KATNAL2: variants seen among roughly 807,000 people sequenced by gnomAD.
KATNAL2 encodes katanin p60 ATPase-containing subunit A-like 2.
In KATNAL2, 52 loss-of-function variants were observed where a neutral mutation model predicts 76.3. The ratio of observed to expected loss-of-function variants is 0.68; its 90% CI spans 0.55 to 0.86. The LOEUF (loss-of-function observed/expected upper bound fraction) is 0.86. Among genes scored for constraint, KATNAL2 ranks in the 40% least tolerant of loss-of-function variants. The pLI, the probability that KATNAL2 is intolerant of heterozygous loss-of-function variation, is 0.00. For synonymous variants in KATNAL2, 243 were observed against 244.2 expected, an observed-to-expected ratio of 1.00 and a Z score of 0.05; for missense variants, 660 against 668.9, an observed-to-expected ratio of 0.99 and a Z score of 0.15.
chr18:46,927,018 T>C (rs1173113222), intron 1 of KATNAL2, among the ~76,000 whole-genome samples: 1 of 152,224 alleles, frequency 6.6e-6, no homozygotes, highest in African/African-American at 2.4e-5. Context: ...AGCACGCTGA[T>C]GGGTCTTGAC....
intron 3 of KATNAL2, among the ~76,000 whole-genome samples, chr18:46,953,183 C>T (rs566900668): frequency 1.2e-4 from 18 of 152,246 alleles, no homozygotes; most frequent in African/African-American, 4.1e-4. Flanking sequence ...CGTGAGCCAC[C>T]GCTCCCGGCA....
At chr18:46,949,536 C>T (rs1018354764) in intron 3 of KATNAL2, among the ~76,000 whole-genome samples, 4 of 152,244 alleles carry the variant, frequency 2.6e-5, no homozygotes, top group East Asian at 3.8e-4. Flanking sequence ...CGTGAGCCTT[C>T]GTGTCTGGCT....
In KATNAL2 at chr18:47,099,319, G is replaced by T. The variant is rs140883201; in HGVS notation, c.1288G>T (p.Ala430Ser). The change falls in exon 16 of 18, where the codon GCC becomes TCC. Residue 430 changes from alanine (A) to serine (S), a missense_variant. Ala to Ser is a moderately conservative substitution (Grantham distance 99). Coordinates refer to ENST00000683218, the MANE Select transcript of KATNAL2 (RefSeq NM_001387690.1). ...VDLPSREARQAMIYHWLPPVS... is the reference protein window; with the variant it reads ...VDLPSREARQSMIYHWLPPVS... ...TCTCCCCAGCCGGGAGGCCAGGCAG[G>T]CCATGATCTACCACTGGCTGCCTCC... 66 of 1,614,038 alleles carry T rather than the reference G, an allele frequency of 4.1e-5. No homozygotes were observed. The Admixed American group carries it at 1.1e-3, about 27-fold the overall frequency.
At chr18:47,040,884 G>A (rs1367716507) in intron 3 of KATNAL2, among the ~76,000 whole-genome samples, 1 of 152,168 alleles carries the variant, frequency 6.6e-6, no homozygotes, top group African/African-American at 2.4e-5. Context: ...CAGCTTGGGG[G>A]AAGACTGTGG....
intron 15 of KATNAL2, among the ~76,000 whole-genome samples, chr18:47,097,117 T>TGAAAAAAAAAAAAAAAAAAAAAAA (rs1191497421): frequency 1.1e-5 from 1 of 88,462 alleles, no homozygotes; most frequent in African/African-American, 4.5e-5. Flanking sequence ...AGACCCTGGC[T>TGAAAAAAAAAAAAAAAAAAAAAAA]CAAAAAAAAA....
At chr18:47,046,327 T>C (rs1413945798) in intron 3 of KATNAL2, 130 bp from the exon 4 acceptor site, 1 of 652,894 alleles carries the variant, frequency 1.5e-6, no homozygotes, top group Admixed American at 2.6e-5. Flanking sequence ...CTTAGAGACT[T>C]CAAATTGCTT....
At chr18:47,098,985 A>C in intron 15 of KATNAL2, 2 of 336,296 alleles carry the variant, frequency 5.9e-6, no homozygotes, top group Non-Finnish European at 5.4e-6. Flanking sequence ...CTTTTCTTCC[A>C]TTCATCCTTC....
intron 1 of KATNAL2, among the ~76,000 whole-genome samples, chr18:46,944,016 T>C (rs1413346613): frequency 1.3e-5 from 2 of 152,230 alleles, no homozygotes; most frequent in Admixed American, 1.3e-4. Flanking sequence ...CGAAAACTAT[T>C]TCTCATTTAT....
chr18:47,075,739 T>TCAG (rs1322931881), intron 14 of KATNAL2, among the ~76,000 whole-genome samples: 1 of 152,204 alleles, frequency 6.6e-6, no homozygotes, highest in Non-Finnish European at 1.5e-5. Flanking sequence ...GGAATGAGTC[T>TCAG]TGCCCACTCA....
At chr18:47,078,758 T>C (rs761871158) in intron 15 of KATNAL2, among the ~76,000 whole-genome samples, 3 of 152,214 alleles carry the variant, frequency 2.0e-5, no homozygotes, top group South Asian at 2.1e-4. Flanking sequence ...GAGAAACTTA[T>C]TGTGCTGTTT....
At chr18:47,037,373 G>C (rs551232412) in intron 3 of KATNAL2, among the ~76,000 whole-genome samples, 1 of 152,312 alleles carries the variant, frequency 6.6e-6, no homozygotes, top group East Asian at 1.9e-4. Flanking sequence ...AAAACAGCCA[G>C]ATTATTGAAA....
intron 3 of KATNAL2, among the ~76,000 whole-genome samples, chr18:47,041,051 T>C (rs2060945287): frequency 6.6e-6 from 1 of 152,186 alleles, no homozygotes; most frequent in Non-Finnish European, 1.5e-5. Context: ...TTTTAAAAAA[T>C]AGAATTTATT....
chr18:47,092,673 T>A (rs927685356), intron 15 of KATNAL2, among the ~76,000 whole-genome samples: 4 of 152,182 alleles, frequency 2.6e-5, no homozygotes, highest in African/African-American at 9.6e-5. Flanking sequence ...GTAAGAGCCT[T>A]CTTACCAGCT....
intron 1 of KATNAL2, among the ~76,000 whole-genome samples, chr18:46,926,801 A>G (rs954049502): frequency 6.6e-6 from 1 of 152,146 alleles, no homozygotes; most frequent in African/African-American, 2.4e-5. Context: ...TAGGATAGTT[A>G]GCTCTTCTTG....
At chr18:47,079,107 C>G (rs1413117221) in intron 15 of KATNAL2, among the ~76,000 whole-genome samples, 2 of 152,166 alleles carry the variant, frequency 1.3e-5, no homozygotes, top group Non-Finnish European at 2.9e-5. Context: ...TTCATCTATT[C>G]CAGCACCACC....
chr18:46,962,031 G>A (rs750969662), intron 3 of KATNAL2, among the ~76,000 whole-genome samples: 9 of 152,216 alleles, frequency 5.9e-5, no homozygotes, highest in Non-Finnish European at 1.2e-4. Flanking sequence ...GGTCTTGTAT[G>A]TTAGTCCTTC....
chr18:47,035,027 C>T (rs1489801822), intron 3 of KATNAL2: 4 of 1,611,620 alleles, frequency 2.5e-6, no homozygotes, highest in Non-Finnish European at 3.4e-6. Flanking sequence ...GTGTTTCGGT[C>T]CACGAGCACC....
At chr18:47,093,324 C>T (rs539939530) in intron 15 of KATNAL2, among the ~76,000 whole-genome samples, 5 of 151,632 alleles carry the variant, frequency 3.3e-5, no homozygotes, top group African/African-American at 1.2e-4. Flanking sequence ...ATTTCACATA[C>T]AGAAAATTAT....
chr18:47,034,019 C>G (rs765481551), intron 3 of KATNAL2: 6 of 1,614,014 alleles, frequency 3.7e-6, no homozygotes, highest in African/African-American at 1.3e-5. Flanking sequence ...CCCTTGGATT[C>G]GTTTGCTTTC....
Sources: allele counts gnomAD v4.1 joint callset (sites outside exome capture counted in the v4.1 genomes callset), GRCh38; gene constraint gnomAD v4.1.1; transcripts MANE v1.5; gene names NCBI Gene and HGNC (gene_info 2026-07-23, HGNC 2026-07-21).